The following MDFIC variants were observed in gnomAD, a reference collection of about 807,000 sequenced individuals.
The protein encoded by MDFIC is myoD family inhibitor domain-containing protein.
A neutral mutation model predicts 23.2 loss-of-function variants in MDFIC; 17 were observed. The observed-to-expected ratio is 0.73, with a 90% confidence interval of 0.50 to 1.10. The LOEUF is 1.10. MDFIC is among the 50% of genes least tolerant of loss of function. The pLI, the probability that MDFIC is intolerant of heterozygous loss-of-function variation, is 0.00. For synonymous variants in MDFIC, 120 were observed against 115.2 expected (o/e 1.04, Z -0.27); for missense variants, 356 against 316.6 (o/e 1.12, Z -0.95).
intron 4 of MDFIC, among the ~76,000 whole-genome samples, chr7:115,002,599 C>T (rs1009043075): frequency 1.3e-5 from 2 of 152,224 alleles, no homozygotes; most frequent in African/African-American, 4.8e-5. Context: ...TTTAAAGAAG[C>T]ACTTGGCAAC....
intron 4 of MDFIC, among the ~76,000 whole-genome samples, chr7:115,012,726 C>T (rs1791704535): frequency 6.6e-6 from 1 of 152,004 alleles, no homozygotes; most frequent in Non-Finnish European, 1.5e-5. Flanking sequence ...ACCTGTAATC[C>T]CAGCACTTCG....
chr7:114,977,028 A>T (rs1029289298), intron 3 of MDFIC, among the ~76,000 whole-genome samples: 2 of 152,168 alleles, frequency 1.3e-5, no homozygotes, highest in Non-Finnish European at 2.9e-5. Flanking sequence ...AATTGCTTAT[A>T]ATCGCGAACA....
chr7:114,971,066 G>A (rs1793195285), intron 3 of MDFIC, among the ~76,000 whole-genome samples: 1 of 152,186 alleles, frequency 6.6e-6, no homozygotes, highest in South Asian at 2.1e-4. Flanking sequence ...TAATAAAGCT[G>A]TCTACTTTTT....
intron 3 of MDFIC, among the ~76,000 whole-genome samples, chr7:114,958,505 C>T (rs546209336): frequency 3.3e-5 from 5 of 152,298 alleles, no homozygotes; most frequent in Admixed American, 2.6e-4. Flanking sequence ...AATCCCAGCA[C>T]TTTGGGAGGC....
chr7:114,999,677 T>C (rs1328235854), intron 4 of MDFIC, among the ~76,000 whole-genome samples: 4 of 151,976 alleles, frequency 2.6e-5, no homozygotes, highest in African/African-American at 7.2e-5. Flanking sequence ...GTAAGGGGAA[T>C]TTTTTTAAAT....
chr7:115,014,309 G>A, intron 4 of MDFIC: 2 of 985,392 alleles, frequency 2.0e-6, no homozygotes, highest in East Asian at 1.1e-4. Flanking sequence ...TTTACCTGAA[G>A]CATTTGTAGC....
intron 4 of MDFIC, among the ~76,000 whole-genome samples, chr7:114,993,267 G>A (rs1026489096): frequency 7.9e-5 from 12 of 151,942 alleles, no homozygotes; most frequent in Non-Finnish European, 7.4e-5. Flanking sequence ...TCTTGGTAGC[G>A]GTCTATCAAT....
At chr7:114,949,998 A>G (rs923889397) in intron 3 of MDFIC, among the ~76,000 whole-genome samples, 11 of 152,200 alleles carry the variant, frequency 7.2e-5, no homozygotes, top group African/African-American at 2.7e-4. Flanking sequence ...TCTGGGATGT[A>G]AATGTTAGAT....
At position 114,988,817 on chromosome 7, in the gene MDFIC, A is replaced by C. The variant is rs905768612; in HGVS notation, c.493+9036A>C. 3.3e-5 allele frequency among the ~76,000 whole-genome samples: 5 copies of C among 152,180 alleles called. No homozygotes were observed. The East Asian group carries it at 9.6e-4, about 29-fold the overall frequency. Reference sequence around the variant, plus strand: ...AGCTGGAGAGAAGGAGTTAGAGGCAAATATACTTATTCATATTTGTTCTCA... The same window carrying C: ...AGCTGGAGAGAAGGAGTTAGAGGCACATATACTTATTCATATTTGTTCTCA... On this transcript the variant is annotated intron_variant, in intron 4 of 4. Transcript: ENST00000393486.
chr7:114,979,112 T>G lies in MDFIC; in HGVS notation c.218-394T>G, dbSNP rs1039302701. Among the ~76,000 whole-genome samples, 3 of 152,296 alleles carry G rather than the reference T, an allele frequency of 2.0e-5. 1 individual carries two copies. Among genetic ancestry groups the G allele is most frequent in the South Asian group, 4.1e-4 (2 of 4,826 alleles). On this transcript the variant is annotated intron_variant, in intron 3 of 4. Transcript: ENST00000393486. Reference sequence around the variant, plus strand: ...GAAAAGACAATTGAGTAGTTTGTTATTAGTAGTAGTATTGAGATAACACTG... The same window carrying G: ...GAAAAGACAATTGAGTAGTTTGTTAGTAGTAGTAGTATTGAGATAACACTG...
intron 4 of MDFIC, among the ~76,000 whole-genome samples, chr7:114,981,421 G>A (rs546229242): frequency 3.4e-4 from 51 of 152,122 alleles, no homozygotes; most frequent in South Asian, 6.2e-4. Flanking sequence ...GAAAATCACC[G>A]GTATATGAAT....
At chr7:115,006,884 C>A (rs1394074490) in intron 4 of MDFIC, among the ~76,000 whole-genome samples, 1 of 152,070 alleles carries the variant, frequency 6.6e-6, no homozygotes, top group Non-Finnish European at 1.5e-5. Flanking sequence ...AGAAATATTT[C>A]AACTGGCCAA....
rs185648746 is a variant in MDFIC, at chr7:115,016,232, T to C, written c.*297T>C. On this transcript the variant is annotated 3_prime_UTR_variant, in exon 5 of 5. Coordinates refer to ENST00000393486, the MANE Select transcript of MDFIC (RefSeq NM_001166345.3). ...GCCTTCTCCTTTTTACCGATATTTC[T>C]GTTTCTTTTAACCGTTCTCAGGAGC... 3.1e-6 allele frequency: 1 copy of C among 327,376 alleles called. No individual in the cohort carries two copies. The highest frequency in any genetic ancestry group is 2.2e-5 in the African/African-American group (1 of 46,386). 20.3% of individuals were successfully genotyped at this position (327,376 alleles called of 1,614,324 possible). A position where few individuals can be genotyped will look rare whatever the true frequency, so the allele number is the denominator to read the frequency against.
intron 3 of MDFIC, 51 bp downstream of exon 3, chr7:114,942,448 A>G: frequency 7.2e-7 from 1 of 1,382,760 alleles, no homozygotes. Context: ...TGACTATGGT[A>G]ATATATTCTT....
At chr7:114,978,138 A>G (rs1346073800) in intron 3 of MDFIC, among the ~76,000 whole-genome samples, 1 of 151,774 alleles carries the variant, frequency 6.6e-6, no homozygotes, top group East Asian at 1.9e-4. Flanking sequence ...ATAATTTCAT[A>G]AGCTTCATTG....
intron 3 of MDFIC, among the ~76,000 whole-genome samples, chr7:114,948,564 T>G (rs1792696012): frequency 6.6e-6 from 1 of 152,092 alleles, no homozygotes; most frequent in Admixed American, 6.6e-5. Flanking sequence ...GGACTTTTCT[T>G]CCATCCTTCC....
intron 3 of MDFIC, among the ~76,000 whole-genome samples, chr7:114,963,177 G>A (rs1293436153): frequency 6.6e-6 from 1 of 152,090 alleles, no homozygotes. Context: ...AATTTATAAT[G>A]GTAATGGCGT....
At chr7:114,984,581 A>T (rs1793477730) in intron 4 of MDFIC, among the ~76,000 whole-genome samples, 1 of 152,178 alleles carries the variant, frequency 6.6e-6, no homozygotes, top group Non-Finnish European at 1.5e-5. Flanking sequence ...GTAGATTTCT[A>T]CTTGTTTTGT....
Position 114,979,646 on chromosome 7 carries a change from A to G in MDFIC, c.358A>G (p.Asn120Asp). Residue 120 changes from asparagine to aspartate, a missense_variant, in exon 4 of 5, where the codon AAT (asparagine) becomes GAT (aspartate). By Grantham distance (23) the Asn-to-Asp change is conservative. Transcript: ENST00000393486. The part of the protein sequence containing the change: ...HHGAKHGSAD[N>D]RKLSAPVSQK... ...CGGGGCCAAACACGGATCCGCAGAT[A>G]ATCGCAAACTTTCAGCACCTGTTTC... 6.2e-7 allele frequency: 1 copy of G among 1,614,110 alleles called. No individual in the cohort carries two copies. Among genetic ancestry groups the G allele is most frequent in the Non-Finnish European group, 8.5e-7 (1 of 1,179,994 alleles).
Sources: gnomAD v4.1 joint callset for allele counts (sites outside exome capture counted in the v4.1 genomes callset) on GRCh38, gnomAD v4.1.1 for gene constraint, MANE v1.5 for transcripts, NCBI Gene and HGNC (gene_info 2026-07-23, HGNC 2026-07-21) for gene names.